SULF1: variants seen among roughly 807,000 people sequenced by gnomAD.
SULF1 encodes extracellular sulfatase Sulf-1.
Under a neutral mutation model 110.5 loss-of-function variants are expected in SULF1, and 46 were observed. The observed-to-expected ratio is 0.42, with a 90% CI of 0.33 to 0.53. The LOEUF is 0.53. Among genes scored for constraint, SULF1 ranks in the 20% least tolerant of loss-of-function variants. SULF1 has a pLI of 0.12. For synonymous variants in SULF1, 371 were observed against 387.1 expected (o/e 0.96, Z 0.49); for missense variants, 941 against 1,094.2 (o/e 0.86, Z 1.98).
intron 6 of SULF1, among the ~76,000 whole-genome samples, chr8:69,580,176 G>A (rs1351978157): frequency 2.6e-5 from 4 of 152,076 alleles, no homozygotes; most frequent in African/African-American, 9.7e-5. Flanking sequence ...GAAAATATGA[G>A]TCTATGAGAG....
intron 6 of SULF1, among the ~76,000 whole-genome samples, chr8:69,579,887 GAAC>G (rs1050595687): frequency 6.6e-6 from 1 of 152,104 alleles, no homozygotes; most frequent in Non-Finnish European, 1.5e-5. Context: ...TTATTATTTG[GAAC>G]ATTTAGCTAC....
At position 69,604,828 on chromosome 8, in the gene SULF1, T is replaced by C; in HGVS notation, c.1273T>C (p.Ser425Pro). 6.2e-7 allele frequency: 1 copy of C among 1,614,000 alleles called. No homozygotes were observed. The highest frequency in any genetic ancestry group is 8.5e-7 in the Non-Finnish European group (1 of 1,179,994). Residue 425 changes from serine to proline, a missense_variant, in exon 13 of 23, where the codon TCC (serine) becomes CCC (proline). Ser to Pro is a moderately conservative substitution (Grantham distance 74). This residue lies in a region of SULF1 where 822 missense variants were observed against 934.3 expected (regional missense o/e 0.88). Coordinates refer to ENST00000402687, the MANE Select transcript of SULF1 (RefSeq NM_001128205.2). ...RGKFLRKKEE[S>P]SKNIQQSNHL... ...CAAATTTCTACGTAAGAAGGAAGAATCCAGCAAGAATATCCAACAGTCAAA... is the reference window on the plus strand; with the variant it reads ...CAAATTTCTACGTAAGAAGGAAGAACCCAGCAAGAATATCCAACAGTCAAA...
intron 3 of SULF1, among the ~76,000 whole-genome samples, chr8:69,508,011 T>C (rs1425112967): frequency 6.6e-6 from 1 of 152,216 alleles, no homozygotes; most frequent in Non-Finnish European, 1.5e-5. Flanking sequence ...GGAGTCCTTT[T>C]TTGGCAGACA....
chr8:69,626,652 G>A (rs1810070641), intron 15 of SULF1, among the ~76,000 whole-genome samples: 1 of 152,252 alleles, frequency 6.6e-6, no homozygotes, highest in African/African-American at 2.4e-5. Context: ...AAGGCCCGGT[G>A]AGAAATCGAG....
chr8:69,585,894 G>A, intron 6 of SULF1, among the ~76,000 whole-genome samples: 1 of 152,270 alleles, frequency 6.6e-6, no homozygotes, highest in East Asian at 1.9e-4. Flanking sequence ...ACGAAAATAA[G>A]CTTTTCAATA....
At chr8:69,579,275 C>T (rs1287324476) in intron 6 of SULF1, among the ~76,000 whole-genome samples, 3 of 149,860 alleles carry the variant, frequency 2.0e-5, no homozygotes, top group Admixed American at 6.6e-5. Flanking sequence ...AAATTGGGGC[C>T]GGGTGCAGTG....
chr8:69,603,721 A>T, intron 12 of SULF1, 65 bp downstream of exon 12: 3 of 1,090,694 alleles, frequency 2.8e-6, no homozygotes, highest in Non-Finnish European at 4.2e-6. Flanking sequence ...CCTGCTGAGT[A>T]TTTTTTTTCT....
upstream of SULF1, among the ~76,000 whole-genome samples, chr8:69,492,466 A>C (rs767426849): frequency 5.9e-5 from 9 of 152,182 alleles, no homozygotes; most frequent in Non-Finnish European, 1.0e-4. Flanking sequence ...TTTACTAAGC[A>C]CTTGGTCTCT....
At chr8:69,527,733 G>A (rs1050981513) in intron 3 of SULF1, among the ~76,000 whole-genome samples, 3 of 152,102 alleles carry the variant, frequency 2.0e-5, no homozygotes, top group African/African-American at 7.2e-5. Flanking sequence ...AAATGAATGA[G>A]ATTTTCATTG....
chr8:69,579,376 C>T (rs982895192), intron 6 of SULF1, among the ~76,000 whole-genome samples: 2 of 151,864 alleles, frequency 1.3e-5, no homozygotes, highest in South Asian at 2.1e-4. Context: ...TAGCAAAACC[C>T]CATCTCTACT....
chr8:69,577,012 A>G (rs188960974), intron 6 of SULF1, among the ~76,000 whole-genome samples: 1 of 152,272 alleles, frequency 6.6e-6, no homozygotes, highest in East Asian at 1.9e-4. Flanking sequence ...TTCCCACTGG[A>G]CTCAGGAAAT....
chr8:69,584,385 T>C (rs1384715712), intron 6 of SULF1: 1 of 152,306 alleles, frequency 6.6e-6, no homozygotes, highest in Middle Eastern at 3.1e-3. Context: ...GCATGGTTCA[T>C]GGAGGGTGAT....
intron 3 of SULF1, among the ~76,000 whole-genome samples, chr8:69,534,444 T>C (rs1813301997): frequency 6.6e-6 from 1 of 152,204 alleles, no homozygotes; most frequent in South Asian, 2.1e-4. Flanking sequence ...AAGAATCTTA[T>C]AGTGCATTTG....
chr8:69,596,470 A>G (rs2130353412), intron 8 of SULF1, among the ~76,000 whole-genome samples: 1 of 152,324 alleles, frequency 6.6e-6, no homozygotes, highest in African/African-American at 2.4e-5. Context: ...CTGTATTTGC[A>G]ACAAAAGTAG....
In SULF1 at chr8:69,658,530, G is replaced by C; in HGVS notation, c.2611G>C (p.Gly871Arg). Residue 871 changes from glycine to arginine, a missense_variant, in exon 23 of 23, where the codon GGT becomes CGT. Coordinates refer to ENST00000402687, the MANE Select transcript of SULF1 (RefSeq NM_001128205.2). Reference sequence around the variant, plus strand: ...AGGACAGTTATGGGATGGATGGGAAGGTTAATCAGCCCCGTCTCACTGCAG... The same window carrying C: ...AGGACAGTTATGGGATGGATGGGAACGTTAATCAGCCCCGTCTCACTGCAG... ...HRGQLWDGWE[G>R] The C allele has an allele frequency of 6.2e-7, 1 of 1,609,634 alleles. No homozygotes were observed.
At chr8:69,579,479 G>A (rs1355114841) in intron 6 of SULF1, among the ~76,000 whole-genome samples, 1 of 150,202 alleles carries the variant, frequency 6.7e-6, no homozygotes, top group East Asian at 1.9e-4. Context: ...AACCAAGGAG[G>A]CAGAGGTTGC....
At chr8:69,591,887 G>A (rs1806936071) in intron 8 of SULF1, among the ~76,000 whole-genome samples, 1 of 152,244 alleles carries the variant, frequency 6.6e-6, no homozygotes, top group South Asian at 2.1e-4. Context: ...GAGTAGTTGT[G>A]TCAGATACCA....
chr8:69,577,582 A>T (rs942758823), intron 6 of SULF1, among the ~76,000 whole-genome samples: 1 of 152,160 alleles, frequency 6.6e-6, no homozygotes, highest in African/African-American at 2.4e-5. Context: ...AATGGATGAC[A>T]TTTGTCATAA....
upstream of SULF1, among the ~76,000 whole-genome samples, chr8:69,492,191 T>C (rs1809974457): frequency 6.6e-6 from 1 of 151,288 alleles, no homozygotes; most frequent in Non-Finnish European, 1.5e-5. Flanking sequence ...AAAGAAAATA[T>C]GAGTAGCAAG....
Sources: allele counts gnomAD v4.1 joint callset (sites outside exome capture counted in the v4.1 genomes callset), GRCh38; gene constraint gnomAD v4.1.1; regional missense constraint gnomAD v4.1.1; transcripts MANE v1.5; gene names NCBI Gene and HGNC (gene_info 2026-07-23, HGNC 2026-07-21).